The following BBOX1 variants were observed in gnomAD, a reference collection of about 807,000 sequenced individuals.
BBOX1 encodes the protein gamma-butyrobetaine hydroxylase 1, also known as gamma-butyrobetaine dioxygenase.
In BBOX1, 35 loss-of-function variants were observed where a neutral mutation model predicts 41.6. The observed-to-expected ratio is 0.84, with a 90% CI of 0.64 to 1.11. The LOEUF is 1.11. Ranked by LOEUF, BBOX1 falls within the 50% of genes most tolerant of loss-of-function variation. The pLI, the probability that BBOX1 is intolerant of heterozygous loss-of-function variation, is 0.00. For missense variants in BBOX1, 458 were observed against 460.6 expected (o/e 0.99, Z 0.05); for synonymous variants, 163 against 154.7 (o/e 1.05, Z -0.40).
chr11:27,063,404 A>G (rs1181663027), intron 4 of BBOX1, among the ~76,000 whole-genome samples: 2 of 152,154 alleles, frequency 1.3e-5, no homozygotes, highest in Non-Finnish European at 2.9e-5. Flanking sequence ...AAAAAAAATC[A>G]CTATATAGTA....
chr11:27,085,520 G>A (rs925258674), intron 4 of BBOX1, among the ~76,000 whole-genome samples: 18 of 150,694 alleles, frequency 1.2e-4, no homozygotes, highest in African/African-American at 4.4e-4. Flanking sequence ...AAATGTATGT[G>A]TTCTGACCAC....
In BBOX1 at chr11:27,072,755, G is replaced by A. The variant is rs562639280; in HGVS notation, c.334+15440G>A. ...CCAATGGAACAGAACAGAGACCTCA[G>A]AAATAATACCACACATCTACAACCA... On this transcript the variant is annotated intron_variant, in intron 4 of 8. Transcript: ENST00000263182. Among the ~76,000 whole-genome samples the A allele has an allele frequency of 3.9e-5, 6 of 152,254 alleles. 2 individuals carry two copies. The highest frequency in any genetic ancestry group is 1.4e-4 in the African/African-American group (6 of 41,568).
chr11:27,115,484 C>G lies in BBOX1; in HGVS notation c.566C>G (p.Ala189Gly). 6.2e-7 allele frequency: 1 copy of G among 1,610,660 alleles called. No individual in the cohort carries two copies. Among genetic ancestry groups the G allele is most frequent in the Non-Finnish European group, 8.5e-7 (1 of 1,177,946 alleles). Residue 189 changes from alanine to glycine, a missense_variant, in exon 6 of 9, where the codon GCA becomes GGA. By Grantham distance (60) the Ala-to-Gly change is moderately conservative (BLOSUM62 0). Transcript: ENST00000263182. ...HTWQVQDKID[A>G]NNVAYTTGKL... is the part of the protein sequence containing the mutation. ...TGGCAAGTGCAAGACAAAATCGATGCAAACAATGTGGCTTACACAACTGGG... is the reference window on the plus strand; with the variant it reads ...TGGCAAGTGCAAGACAAAATCGATGGAAACAATGTGGCTTACACAACTGGG...
intron 6 of BBOX1, among the ~76,000 whole-genome samples, chr11:27,117,564 T>C (rs1420456175): frequency 6.6e-6 from 1 of 151,898 alleles, no homozygotes; most frequent in Non-Finnish European, 1.5e-5. Flanking sequence ...CTTCCAAACA[T>C]AGCTTGAGGG....
At chr11:27,090,429 C>A (rs1306189349) in intron 4 of BBOX1, among the ~76,000 whole-genome samples, 1 of 151,726 alleles carries the variant, frequency 6.6e-6, no homozygotes, top group Non-Finnish European at 1.5e-5. Flanking sequence ...GGAGTAGGTA[C>A]AAAGATCACA....
intron 4 of BBOX1, among the ~76,000 whole-genome samples, chr11:27,081,301 C>T (rs1057095393): frequency 6.6e-6 from 1 of 152,018 alleles, no homozygotes; most frequent in African/African-American, 2.4e-5. Flanking sequence ...TGACAACATG[C>T]AGTATTTGGT....
chr11:27,117,013 T>C (rs1028608028), intron 6 of BBOX1, among the ~76,000 whole-genome samples: 2 of 152,030 alleles, frequency 1.3e-5, no homozygotes, highest in Non-Finnish European at 2.9e-5. Flanking sequence ...ACATTCTTTC[T>C]CTACATTTTT....
chr11:27,102,699 G>GT (rs1292408217), intron 5 of BBOX1, among the ~76,000 whole-genome samples: 5 of 151,984 alleles, frequency 3.3e-5, no homozygotes, highest in Non-Finnish European at 7.4e-5. Context: ...ATTCATTTTG[G>GT]TTTTCTGAAG....
intron 5 of BBOX1, among the ~76,000 whole-genome samples, chr11:27,094,612 G>T (rs947553840): frequency 6.3e-4 from 96 of 152,056 alleles, no homozygotes; most frequent in African/African-American, 2.0e-3. Context: ...TCTCCAGTTT[G>T]CCAGAATCCT....
chr11:27,078,472 T>TC (rs906607221), intron 4 of BBOX1, among the ~76,000 whole-genome samples: 41 of 151,534 alleles, frequency 2.7e-4, no homozygotes, highest in African/African-American at 9.9e-4. Context: ...CCTTCCCCTA[T>TC]CCCCCCACCA....
At chr11:27,123,679 G>A (rs1564993372) in intron 7 of BBOX1, among the ~76,000 whole-genome samples, 1 of 152,146 alleles carries the variant, frequency 6.6e-6, no homozygotes, top group Non-Finnish European at 1.5e-5. Flanking sequence ...CTCTAAGGGG[G>A]TAATTGAAAG....
chr11:27,065,417 T>C (rs1857252152), intron 4 of BBOX1, among the ~76,000 whole-genome samples: 1 of 152,232 alleles, frequency 6.6e-6, no homozygotes, highest in African/African-American at 2.4e-5. Flanking sequence ...TTTTCTGCAC[T>C]GCACTTGGTA....
At chr11:27,071,108 C>T (rs969194682) in intron 4 of BBOX1, among the ~76,000 whole-genome samples, 2 of 152,072 alleles carry the variant, frequency 1.3e-5, no homozygotes, top group African/African-American at 2.4e-5. Flanking sequence ...GGTGCGGTGG[C>T]TCATGCCTAT....
chr11:27,089,853 T>C (rs1195622806), intron 4 of BBOX1, among the ~76,000 whole-genome samples: 18 of 152,020 alleles, frequency 1.2e-4, no homozygotes. Context: ...TTCTTCTCAC[T>C]AAAACCCAAA....
chr11:27,045,237 ATTGGTGTATAGGAATGCT>A (rs1307931924), intron 2 of BBOX1, among the ~76,000 whole-genome samples: 1 of 151,978 alleles, frequency 6.6e-6, no homozygotes, highest in Non-Finnish European at 1.5e-5. Context: ...TTTGTCTGTT[ATTGGTGTATAGGAATGCT>A]TGTGATTTTT....
intron 7 of BBOX1, 141 bp downstream of exon 7, chr11:27,119,986 T>A: frequency 1.9e-6 from 1 of 518,494 alleles, no homozygotes; most frequent in Non-Finnish European, 3.1e-6. Flanking sequence ...TTTAGAGTGA[T>A]AGTATTTTCA....
intron 4 of BBOX1, among the ~76,000 whole-genome samples, chr11:27,062,314 T>A (rs1857152769): frequency 6.6e-6 from 1 of 152,212 alleles, no homozygotes; most frequent in Non-Finnish European, 1.5e-5. Flanking sequence ...TGCTTGGTCC[T>A]AAACCTGCAG....
At chr11:27,073,793 T>C (rs1370504142) in intron 4 of BBOX1, among the ~76,000 whole-genome samples, 5 of 152,058 alleles carry the variant, frequency 3.3e-5, no homozygotes, top group African/African-American at 2.4e-5. Flanking sequence ...ACCATCATTC[T>C]CAGCAAACTA....
intron 4 of BBOX1, among the ~76,000 whole-genome samples, chr11:27,072,693 A>C: frequency 6.6e-6 from 1 of 152,206 alleles, no homozygotes; most frequent in East Asian, 1.9e-4. Context: ...ACAGTAACCA[A>C]AACAGCATGG....
Sources: gnomAD v4.1 joint callset for allele counts (sites outside exome capture counted in the v4.1 genomes callset) on GRCh38, gnomAD v4.1.1 for gene constraint, MANE v1.5 for transcripts, NCBI Gene and HGNC (gene_info 2026-07-23, HGNC 2026-07-21) for gene names.